The following ESCO2 variants were observed in gnomAD, a reference collection of about 807,000 sequenced individuals.
ESCO2 encodes the protein establishment of sister chromatid cohesion N-acetyltransferase 2.
In ESCO2, 51 loss-of-function variants were observed where a neutral mutation model predicts 61.7. The observed-to-expected ratio is 0.83, with a 90% CI of 0.66 to 1.04. The LOEUF is 1.04. ESCO2 is among the 50% of genes least tolerant of loss of function. ESCO2 has a pLI of 0.00. For synonymous variants in ESCO2, 230 were observed against 238.2 expected, an observed-to-expected ratio of 0.97 and a Z score of 0.32; for missense variants, 692 against 686.2, an observed-to-expected ratio of 1.01 and a Z score of -0.09.
At chr8:27,792,543 A>C (rs1805200756) in intron 8 of ESCO2, 125 bp from the exon 9 acceptor site, 2 of 1,049,546 alleles carry the variant, frequency 1.9e-6, no homozygotes, top group African/African-American at 1.6e-5. Flanking sequence ...GAGGTGTATA[A>C]ATTTAAGAAA....
chr8:27,801,100 A>G (rs535194585), intron 10 of ESCO2, among the ~76,000 whole-genome samples: 101 of 152,298 alleles, frequency 6.6e-4, no homozygotes, highest in African/African-American at 2.3e-3. Flanking sequence ...TATGAGTTAT[A>G]TCTCAACCAA....
chr8:27,776,037 A>C (rs1210876272), intron 2 of ESCO2, among the ~76,000 whole-genome samples: 1 of 152,232 alleles, frequency 6.6e-6, no homozygotes, highest in African/African-American at 2.4e-5. Flanking sequence ...GGGGGCTTGT[A>C]AACAATAGAG....
Position 27,803,938 on chromosome 8 carries a change from ACTGTGTTGCCCAGGCTGGTCTGAAAC to A in ESCO2, c.*501_*526del. The A allele has an allele frequency of 3.0e-6, 3 of 992,458 alleles. No homozygotes were observed. Among genetic ancestry groups the A allele is most frequent in the Non-Finnish European group, 3.6e-6 (3 of 835,510 alleles). The allele number at this position is 992,458 out of a possible 1,614,324, so 61.5% of individuals were successfully genotyped here. The stretch of plus-strand genomic sequence containing the variant: ...TTTTTTTAATAGAGGCATGGGTCTC[ACTGTGTTGCCCAGGCTGGTCTGAAAC>A]TTTTGGGCTCAAGCGATCCTCCCAA... On this transcript the variant is annotated 3_prime_UTR_variant, in exon 11 of 11. Transcript: ENST00000305188.
the ESCO2 span, among the ~76,000 whole-genome samples, chr8:27,818,076 G>A: frequency 6.6e-6 from 1 of 152,144 alleles, no homozygotes; most frequent in African/African-American, 2.4e-5. Flanking sequence ...CCATAATGGT[G>A]GCCATGTTCC....
downstream of ESCO2, chr8:27,808,263 G>A (rs905195798): frequency 1.5e-5 from 18 of 1,200,270 alleles, no homozygotes; most frequent in African/African-American, 2.7e-4. Flanking sequence ...AGTAGCTGCT[G>A]ATTATCTCCT....
At chr8:27,780,509 A>G (rs949924283) in intron 4 of ESCO2, among the ~76,000 whole-genome samples, 1 of 152,256 alleles carries the variant, frequency 6.6e-6, no homozygotes, top group Admixed American at 6.5e-5. Flanking sequence ...TAATTGGTCT[A>G]TGGCTGTGGC....
chr8:27,779,775 A>G (rs935836719), intron 3 of ESCO2: 11 of 199,870 alleles, frequency 5.5e-5, no homozygotes, highest in Admixed American at 3.2e-4. Context: ...GGTTCAAGCA[A>G]TTCTCCTGCC....
At chr8:27,777,885 A>C (rs555226733) in intron 3 of ESCO2, 6 of 152,272 alleles carry the variant, frequency 3.9e-5, no homozygotes, top group South Asian at 2.1e-4. Context: ...GCTTATAGTC[A>C]TGTCTTTCCT....
chr8:27,782,510 C>T (rs1432418216), intron 4 of ESCO2, among the ~76,000 whole-genome samples: 2 of 152,084 alleles, frequency 1.3e-5, no homozygotes, highest in African/African-American at 2.4e-5. Flanking sequence ...ATGATCCACC[C>T]GCCTTGGCCT....
upstream of ESCO2, chr8:27,772,575 G>C (rs1208274438): frequency 6.5e-7 from 1 of 1,545,748 alleles, no homozygotes; most frequent in African/African-American, 1.4e-5. Context: ...CCACCGCGGA[G>C]CAGCAGCGCT....
At chr8:27,780,342 G>A (rs1431886507) in intron 4 of ESCO2, 75 bp downstream of exon 4, 1 of 1,003,498 alleles carries the variant, frequency 1.0e-6, no homozygotes, top group East Asian at 2.5e-5. Flanking sequence ...AATAATTCTT[G>A]TAATTTCTGG....
At chr8:27,780,852 A>G (rs1804910024) in intron 4 of ESCO2, among the ~76,000 whole-genome samples, 1 of 152,222 alleles carries the variant, frequency 6.6e-6, no homozygotes, top group South Asian at 2.1e-4. Context: ...CTATGAATAC[A>G]TAAAGCTTTT....
At chr8:27,790,119 C>T (rs1805143769) in intron 7 of ESCO2, among the ~76,000 whole-genome samples, 1 of 152,208 alleles carries the variant, frequency 6.6e-6, no homozygotes, top group Admixed American at 6.5e-5. Context: ...TTGGCCCCTG[C>T]CCACCTTGTC....
In ESCO2 at chr8:27,776,888, G is replaced by C. The variant is rs763544947; in HGVS notation, c.580G>C (p.Val194Leu). The change falls in exon 3 of 11, where the codon GTT becomes CTT. Residue 194 changes from valine to leucine, a missense_variant. Transcript: ENST00000305188. ...SAENNSNAPR[V>L]LSQKIKPQVT... Reference sequence around the variant, plus strand: ...TGAAAATAATTCCAATGCTCCTCGGGTTCTGAGCCAAAAAATAAAACCACA... The same window carrying C: ...TGAAAATAATTCCAATGCTCCTCGGCTTCTGAGCCAAAAAATAAAACCACA... 3.7e-6 allele frequency: 6 copies of C among 1,613,990 alleles called. No individual in the cohort carries two copies. The highest frequency in any genetic ancestry group is 1.3e-5 in the African/African-American group (1 of 74,906).
At chr8:27,816,591 T>G (rs2128962310), downstream of ESCO2, among the ~76,000 whole-genome samples, 1 of 151,968 alleles carries the variant, frequency 6.6e-6, no homozygotes, top group South Asian at 2.1e-4. Context: ...TTAGCCAGGA[T>G]GGTCTCAATC....
intron 9 of ESCO2, among the ~76,000 whole-genome samples, chr8:27,798,820 CAT>C (rs1294437429): frequency 1.3e-5 from 2 of 152,164 alleles, no homozygotes; most frequent in African/African-American, 4.8e-5. Context: ...ATAACATTCT[CAT>C]AGCCATGGGG....
chr8:27,801,463 T>G (rs72609981), intron 10 of ESCO2, among the ~76,000 whole-genome samples: 23,458 of 152,118 alleles, frequency 0.15, 2,280 homozygotes, highest in East Asian at 0.36. Context: ...TTACAAAGGG[T>G]ATCAGTAGGA....
At chr8:27,817,739 T>C in the ESCO2 span, among the ~76,000 whole-genome samples, 1 of 152,180 alleles carries the variant, frequency 6.6e-6, no homozygotes, top group Non-Finnish European at 1.5e-5. Flanking sequence ...AAGGTTTTTC[T>C]TATTTTAAAT....
At chr8:27,816,744 A>AT (rs922611632), downstream of ESCO2, among the ~76,000 whole-genome samples, 4 of 151,728 alleles carry the variant, frequency 2.6e-5, no homozygotes, top group East Asian at 1.9e-4. Flanking sequence ...AGATTTGGGT[A>AT]TTTTTTTTCA....
Sources: allele counts gnomAD v4.1 joint callset (sites outside exome capture counted in the v4.1 genomes callset), GRCh38; gene constraint gnomAD v4.1.1; transcripts MANE v1.5; gene names NCBI Gene and HGNC (gene_info 2026-07-23, HGNC 2026-07-21).